Variants in RNF17 observed in about 807,000 individuals in gnomAD.
The protein encoded by RNF17 is spermatogenesis associated 23.
A neutral mutation model predicts 200.5 loss-of-function variants in RNF17; 31 were observed. The ratio of observed to expected loss-of-function variants is 0.15; its 90% CI spans 0.12 to 0.21. The LOEUF (loss-of-function observed/expected upper bound fraction) is 0.21, where lower values mean the gene tolerates loss of function less well. Ranked by LOEUF, RNF17 falls within the 10% of genes least tolerant of loss-of-function variation. The pLI is 1.00. For synonymous variants in RNF17, 606 were observed against 637.8 expected (o/e 0.95, Z 0.75); for missense variants, 1,628 against 1,905.1 (o/e 0.85, Z 2.71).
intron 15 of RNF17, among the ~76,000 whole-genome samples, chr13:24,812,384 G>A (rs368222819): frequency 9.3e-5 from 14 of 151,312 alleles, no homozygotes; most frequent in East Asian, 2.1e-4. Context: ...TGCAGTATTC[G>A]GGTGGGAGTG....
the RNF17 span, among the ~76,000 whole-genome samples, chr13:24,757,194 G>A: frequency 0.84 from 128,260 of 152,128 alleles, 54,662 homozygotes; most frequent in East Asian, 1. Context: ...AAGTAAAAGA[G>A]ATACAGAACA....
chr13:24,843,838 G>A lies in RNF17; in HGVS notation c.2698G>A (p.Val900Met), dbSNP rs1351274127. Residue 900 changes from valine to methionine, a missense_variant, in exon 20 of 36, where the codon GTG (valine) becomes ATG (methionine). By Grantham distance (21) the Val-to-Met change is conservative. Coordinates refer to ENST00000255324, the MANE Select transcript of RNF17 (RefSeq NM_031277.3). ...AAATGAAGTACACAACTTAAATCCT[G>A]TGTCTGCAAAATCTCTACCTAATGA... ...ISNEVHNLNP[V>M]SAKSLPNENF... The A allele has an allele frequency of 6.2e-7, 1 of 1,610,534 alleles. No homozygotes were observed. The highest frequency in any genetic ancestry group is 8.5e-7 in the Non-Finnish European group (1 of 1,177,524).
At chr13:24,753,229 C>G in the RNF17 span, among the ~76,000 whole-genome samples, 3 of 152,124 alleles carry the variant, frequency 2.0e-5, no homozygotes, top group Non-Finnish European at 4.4e-5. Context: ...TTTGTGATCC[C>G]TTTTTAAATT....
At chr13:24,819,198 C>G (rs949535137) in intron 15 of RNF17, among the ~76,000 whole-genome samples, 1 of 152,142 alleles carries the variant, frequency 6.6e-6, no homozygotes, top group Non-Finnish European at 1.5e-5. Context: ...CTCCCTGCTT[C>G]CAACCTCTGG....
At chr13:24,886,638 CTGTT>C in the RNF17 span, among the ~76,000 whole-genome samples, 21 of 152,284 alleles carry the variant, frequency 1.4e-4, no homozygotes, top group African/African-American at 4.3e-4. Context: ...CAGGAGTGCT[CTGTT>C]TGGGATGACA....
At chr13:24,753,007 T>G in the RNF17 span, among the ~76,000 whole-genome samples, 1 of 152,160 alleles carries the variant, frequency 6.6e-6, no homozygotes, top group Non-Finnish European at 1.5e-5. Flanking sequence ...ATTCTTCTCC[T>G]TGGGCAAGAA....
chr13:24,873,826 G>A (rs913082628), intron 32 of RNF17, among the ~76,000 whole-genome samples: 28 of 152,130 alleles, frequency 1.8e-4, no homozygotes, highest in African/African-American at 6.7e-4. Flanking sequence ...TTGTCTTTCT[G>A]TGCTTGTCTT....
chr13:24,874,671 CA>C (rs1365696395), intron 33 of RNF17, among the ~76,000 whole-genome samples: 4 of 152,164 alleles, frequency 2.6e-5, no homozygotes, highest in Non-Finnish European at 4.4e-5. Context: ...CTCAGCCTCC[CA>C]AAGTGCTGGG....
chr13:24,847,515 T>G (rs1891397627), intron 22 of RNF17, among the ~76,000 whole-genome samples: 1 of 151,980 alleles, frequency 6.6e-6, no homozygotes, highest in Non-Finnish European at 1.5e-5. Flanking sequence ...CCGGCTAAGT[T>G]TTGTATTTTT....
At chr13:24,762,242 C>T (rs764993941), upstream of RNF17, among the ~76,000 whole-genome samples, 11 of 151,944 alleles carry the variant, frequency 7.2e-5, no homozygotes, top group East Asian at 1.9e-4. Flanking sequence ...TGGTGGCATG[C>T]GCCTGTAGTC....
chr13:24,873,294 C>T (rs1032175737), intron 32 of RNF17, among the ~76,000 whole-genome samples: 9 of 152,090 alleles, frequency 5.9e-5, no homozygotes, highest in African/African-American at 1.9e-4. Flanking sequence ...GAAGCTTAAT[C>T]CTTAGGAATT....
chr13:24,785,786 A>G (rs1269065325), intron 6 of RNF17, among the ~76,000 whole-genome samples: 1 of 152,182 alleles, frequency 6.6e-6, no homozygotes, highest in Non-Finnish European at 1.5e-5. Flanking sequence ...ATATTGGTGC[A>G]TATATGCTTA....
At chr13:24,864,321 CAGTG>C (rs1257478820) in intron 28 of RNF17, among the ~76,000 whole-genome samples, 1 of 152,204 alleles carries the variant, frequency 6.6e-6, no homozygotes, top group South Asian at 2.1e-4. Flanking sequence ...AGCAGTAAAA[CAGTG>C]AGGAGCAGTG....
At chr13:24,759,079 C>CA in the RNF17 span, among the ~76,000 whole-genome samples, 16,659 of 61,964 alleles carry the variant, frequency 0.27, 1,124 homozygotes, top group East Asian at 0.33. Flanking sequence ...ACTGTGTCTC[C>CA]AAAAAAAAAA....
At chr13:24,815,915 G>A (rs1022144891) in intron 15 of RNF17, among the ~76,000 whole-genome samples, 1 of 152,112 alleles carries the variant, frequency 6.6e-6, no homozygotes, top group Non-Finnish European at 1.5e-5. Context: ...TTTGTTTGGA[G>A]ACAGGGTCTC....
chr13:24,771,035 C>G (rs549087609), intron 2 of RNF17, among the ~76,000 whole-genome samples: 2 of 152,186 alleles, frequency 1.3e-5, no homozygotes, highest in Non-Finnish European at 2.9e-5. Context: ...TGAAGTTGAG[C>G]AACTTTTCAT....
chr13:24,748,004 G>T, the RNF17 span, among the ~76,000 whole-genome samples: 1 of 152,234 alleles, frequency 6.6e-6, no homozygotes, highest in African/African-American at 2.4e-5. Context: ...TGCTGCCGGG[G>T]CGGGGCTGCT....
At chr13:24,881,419 G>A (rs1034367291), downstream of RNF17, among the ~76,000 whole-genome samples, 1 of 152,078 alleles carries the variant, frequency 6.6e-6, no homozygotes, top group African/African-American at 2.4e-5. Flanking sequence ...GGGATTACAG[G>A]TGTGAGCCAC....
At chr13:24,871,520 T>C (rs1894246422) in intron 32 of RNF17, among the ~76,000 whole-genome samples, 1 of 151,982 alleles carries the variant, frequency 6.6e-6, no homozygotes, top group Non-Finnish European at 1.5e-5. Flanking sequence ...GTATTTTTAG[T>C]AGAGATGGGG....
Sources: gnomAD v4.1 joint callset for allele counts (sites outside exome capture counted in the v4.1 genomes callset) on GRCh38, gnomAD v4.1.1 for gene constraint, MANE v1.5 for transcripts, NCBI Gene and HGNC (gene_info 2026-07-23, HGNC 2026-07-21) for gene names.